Variants in ELK4 observed in about 807,000 individuals in gnomAD.
ELK4 encodes the protein ETS domain-containing protein Elk-4.
Under a neutral mutation model 29.6 loss-of-function variants are expected in ELK4, and 16 were observed. That is an observed-to-expected ratio of 0.54 (90% confidence interval 0.37 to 0.82). The LOEUF is 0.82. Ranked by LOEUF, ELK4 falls within the 40% of genes least tolerant of loss-of-function variation. ELK4 has a pLI of 0.00. For synonymous variants in ELK4, 213 were observed against 191.1 expected (o/e 1.11, Z -0.95); for missense variants, 465 against 507.1 (o/e 0.92, Z 0.80).
intron 4 of ELK4, among the ~76,000 whole-genome samples, chr1:205,617,897 G>A (rs189741097): frequency 5.9e-5 from 9 of 151,696 alleles, no homozygotes; most frequent in Non-Finnish European, 1.5e-5. Flanking sequence ...GCAAAACTCC[G>A]CCTCAAAAAA....
At position 205,612,111 on chromosome 1, in the gene ELK4, A is replaced by T. The variant is rs1172827543; in HGVS notation, c.*4435T>A. 1 of 196,760 alleles carries T rather than the reference A, an allele frequency of 5.1e-6. No homozygotes were observed. The highest frequency in any genetic ancestry group is 1.1e-5 in the Non-Finnish European group (1 of 94,918). 12.2% of individuals were successfully genotyped at this position (196,760 alleles called of 1,614,324 possible). A position where few individuals can be genotyped will look rare whatever the true frequency, so the allele number is the denominator to read the frequency against. Reference sequence around the variant, plus strand: ...AGATAAGAGACAACAGGCTGACGAAAGTAATAGGAATAAAGCTGTGGAAAA... The same window carrying T: ...AGATAAGAGACAACAGGCTGACGAATGTAATAGGAATAAAGCTGTGGAAAA... On this transcript the variant is annotated 3_prime_UTR_variant, in exon 5 of 5. Transcript: ENST00000357992.
chr1:205,617,984 TGAGAGA>T (rs898266780), intron 4 of ELK4, among the ~76,000 whole-genome samples: 1 of 131,322 alleles, frequency 7.6e-6, no homozygotes, highest in Non-Finnish European at 1.6e-5. Flanking sequence ...TGTGTGTGTG[TGAGAGA>T]GAGAGAGAGC....
chr1:205,612,850 A>G lies in ELK4; in HGVS notation c.*3696T>C, dbSNP rs1553242473. ...TGACTTTTAAAATCTGTAATATAGT[A>G]TGTAAATCTTCAAGGAATTTTCCAG... On this transcript the variant is annotated 3_prime_UTR_variant, in exon 5 of 5. Coordinates refer to ENST00000357992, the MANE Select transcript of ELK4 (RefSeq NM_001973.4). 17 of 203,892 alleles carry G rather than the reference A, an allele frequency of 8.3e-5. No individual in the cohort carries two copies. The East Asian group carries it at 1.2e-3, about 15-fold the overall frequency. The allele number at this position is 203,892 out of a possible 1,614,324, so 12.6% of individuals were successfully genotyped here.
rs1431809186 is a variant in ELK4 at position 205,620,254 on chromosome 1, A to C, written c.792T>G (p.Pro264=). 3 of 1,614,164 alleles carry C rather than the reference A, an allele frequency of 1.9e-6. No individual in the cohort carries two copies. The highest frequency in any genetic ancestry group is 2.2e-5 in the South Asian group (2 of 91,084). ...TCAGTGGTGGTGAAGGTGTTCTGGG[A>C]GGTTCCTGCAAAGGGGGTATGGACG... The part of the protein sequence containing the change: ...PISSIPPLQE[P]PRTPSPPLSS... Residue 264 remains proline, a synonymous_variant, in exon 3 of 5, where the codon CCT becomes CCG. Coordinates refer to ENST00000357992, the MANE Select transcript of ELK4 (RefSeq NM_001973.4).
chr1:205,623,609 C>T, intron 2 of ELK4, 67 bp downstream of exon 2: 1 of 1,577,302 alleles, frequency 6.3e-7, no homozygotes, highest in Non-Finnish European at 8.7e-7. Context: ...GCCACTGTGC[C>T]CAGCCAAGAA....
intron 2 of ELK4, among the ~76,000 whole-genome samples, chr1:205,621,373 G>T (rs1670347249): frequency 6.6e-6 from 1 of 152,012 alleles, no homozygotes; most frequent in East Asian, 1.9e-4. Flanking sequence ...ATTAACAACT[G>T]AACTAATATG....
In ELK4 at chr1:205,611,162, T is replaced by C. The variant is rs1670145581; in HGVS notation, c.*5384A>G. On this transcript the variant is annotated 3_prime_UTR_variant, in exon 5 of 5. Coordinates refer to ENST00000357992, the MANE Select transcript of ELK4 (RefSeq NM_001973.4). The stretch of plus-strand genomic sequence containing the variant: ...GATGGCAGCACCTTAGAAATTGCTA[T>C]TTTCTGGCAGGCTATCAATCTATCA... 2 of 213,748 alleles carry C rather than the reference T, an allele frequency of 9.4e-6. No homozygotes were observed. The highest frequency in any genetic ancestry group is 3.7e-4 in the South Asian group (2 of 5,366). 13.2% of individuals were successfully genotyped at this position (213,748 alleles called of 1,614,324 possible). A position where few individuals can be genotyped will look rare whatever the true frequency, so the allele number is the denominator to read the frequency against.
chr1:205,631,645 G>A lies in ELK4; in HGVS notation c.-23C>T, dbSNP rs1281475270. Reference sequence around the variant, plus strand: ...CTGACCGCTCACCGACGCCGCGCGCGGGGCTCCCCCTCGGTCTCCGCCTCG... The same window carrying A: ...CTGACCGCTCACCGACGCCGCGCGCAGGGCTCCCCCTCGGTCTCCGCCTCG... On this transcript the variant is annotated 5_prime_UTR_variant, in exon 1 of 5. Coordinates refer to ENST00000357992, the MANE Select transcript of ELK4 (RefSeq NM_001973.4). 6.1e-6 allele frequency: 2 copies of A among 328,030 alleles called. No individual in the cohort carries two copies. Among genetic ancestry groups the A allele is most frequent in the Admixed American group, 3.3e-5 (1 of 30,664 alleles). The allele number at this position is 328,030 out of a possible 1,614,324, so 20.3% of individuals were successfully genotyped here. A position where few individuals can be genotyped will look rare whatever the true frequency, so the allele number is the denominator to read the frequency against.
At position 205,619,048 on chromosome 1, in the gene ELK4, G is replaced by A; in HGVS notation, c.1106C>T (p.Pro369Leu). The A allele has an allele frequency of 6.2e-7, 1 of 1,604,040 alleles. No individual in the cohort carries two copies. Among genetic ancestry groups the A allele is most frequent in the South Asian group, 1.1e-5 (1 of 88,924 alleles). ...CCAGAAGTGGATACTGGAGAGCAAGGGGCTTGGAGTCAGTATGATGGGTGT... is the reference window on the plus strand; with the variant it reads ...CCAGAAGTGGATACTGGAGAGCAAGAGGCTTGGAGTCAGTATGATGGGTGT... Reference protein sequence around the residue: ...SQTPIILTPSPLLSSIHFWST... With the variant: ...SQTPIILTPSLLLSSIHFWST... The change falls in exon 4 of 5, where the codon CCC becomes CTC. Residue 369 changes from proline to leucine, a missense_variant. Coordinates refer to ENST00000357992, the MANE Select transcript of ELK4 (RefSeq NM_001973.4).
intron 4 of ELK4, among the ~76,000 whole-genome samples, chr1:205,617,542 T>C (rs1012675648): frequency 2.6e-5 from 4 of 152,000 alleles, no homozygotes; most frequent in African/African-American, 9.7e-5. Flanking sequence ...AAATTATCAA[T>C]TCTGACTGAG....
At chr1:205,630,635 C>A (rs533507045) in intron 1 of ELK4, among the ~76,000 whole-genome samples, 1 of 152,234 alleles carries the variant, frequency 6.6e-6, no homozygotes, top group Non-Finnish European at 1.5e-5. Flanking sequence ...TAGGATCCTG[C>A]ACAGTTCTTA....
chr1:205,611,223 C>T lies in ELK4; in HGVS notation c.*5323G>A, dbSNP rs138606042. The stretch of plus-strand genomic sequence containing the variant: ...CAGAGAAGTGACTTGAAGAAACTGA[C>T]AGTTTCAAATGAAACAATTATACTA... On this transcript the variant is annotated 3_prime_UTR_variant, in exon 5 of 5. Coordinates refer to ENST00000357992, the MANE Select transcript of ELK4 (RefSeq NM_001973.4). 26 of 211,094 alleles carry T rather than the reference C, an allele frequency of 1.2e-4. 1 individual carries two copies. Among genetic ancestry groups the T allele is most frequent in the African/African-American group, 5.0e-4 (22 of 44,292 alleles). The allele number at this position is 211,094 out of a possible 1,614,324, so 13.1% of individuals were successfully genotyped here. A position where few individuals can be genotyped will look rare whatever the true frequency, so the allele number is the denominator to read the frequency against.
At chr1:205,631,504 C>G (rs553914376) in intron 1 of ELK4, 128 bp downstream of exon 1, 12 of 145,416 alleles carry the variant, frequency 8.3e-5, no homozygotes, top group African/African-American at 1.8e-4. Flanking sequence ...GGGGAGCGCG[C>G]GCGCCCGGCC....
rs1670604091 is a variant in ELK4 at position 205,631,977 on chromosome 1, C to T, written c.-355G>A. The T allele has an allele frequency of 6.6e-6, 1 of 151,846 alleles. No homozygotes were observed. Among genetic ancestry groups the T allele is most frequent in the Non-Finnish European group, 1.5e-5 (1 of 67,924 alleles). 9.4% of individuals were successfully genotyped at this position (151,846 alleles called of 1,614,324 possible). ...TCCGCGGCCGCCGCCACTCTCAAAC[C>T]CCCCGACTGCTCCTGGGTCCCTCCC... On this transcript the variant is annotated 5_prime_UTR_variant, in exon 1 of 5. Coordinates refer to ENST00000357992, the MANE Select transcript of ELK4 (RefSeq NM_001973.4).
Position 205,608,921 on chromosome 1 carries a change from C to T in ELK4, c.*7625G>A, listed in dbSNP as rs1290460117. 5 of 192,240 alleles carry T rather than the reference C, an allele frequency of 2.6e-5. No homozygotes were observed. The highest frequency in any genetic ancestry group is 1.9e-4 in the South Asian group (1 of 5,206). 11.9% of individuals were successfully genotyped at this position (192,240 alleles called of 1,614,324 possible). On this transcript the variant is annotated 3_prime_UTR_variant, in exon 5 of 5. Transcript: ENST00000357992. ...TCTCCTGTGTTAACACTGATGGAGA[C>T]GCACTGCAATAGTCCCATGGCAGAC... is the stretch of plus-strand genomic sequence containing the variant.
chr1:205,608,575 A>G lies in ELK4; in HGVS notation c.*7971T>C, dbSNP rs1229054399. On this transcript the variant is annotated 3_prime_UTR_variant, in exon 5 of 5. Transcript: ENST00000357992. ...ATTGCTTTTTTAGGAAAAAGAAAAAAAAAAGGTGCTTTTAATACTTTGAAG... is the reference window on the plus strand; with the variant it reads ...ATTGCTTTTTTAGGAAAAAGAAAAAGAAAAGGTGCTTTTAATACTTTGAAG... The G allele has an allele frequency of 1.5e-5, 3 of 197,636 alleles. No homozygotes were observed. The highest frequency in any genetic ancestry group is 6.9e-5 in the African/African-American group (3 of 43,434). 12.2% of individuals were successfully genotyped at this position (197,636 alleles called of 1,614,324 possible).
At chr1:205,617,415 T>C (rs747084960) in intron 4 of ELK4, among the ~76,000 whole-genome samples, 24 of 152,210 alleles carry the variant, frequency 1.6e-4, no homozygotes, top group Non-Finnish European at 3.1e-4. Context: ...AGTTATAACA[T>C]CTAAGTGTTT....
At position 205,617,384 on chromosome 1, in the gene ELK4, T is replaced by C. The variant is rs542194022; in HGVS notation, c.1198-740A>G. ...AGTCAACCATGAATAAGTAAATGAA[T>C]TGACTCCAAGAAAGTCTTTAAGTTA... On this transcript the variant is annotated intron_variant, in intron 4 of 4. Coordinates refer to ENST00000357992, the MANE Select transcript of ELK4 (RefSeq NM_001973.4). 6.6e-5 allele frequency among the ~76,000 whole-genome samples: 10 copies of C among 152,282 alleles called. No homozygotes were observed. The South Asian group carries it at 1.0e-3, about 16-fold the overall frequency.
Position 205,620,847 on chromosome 1 carries a change from T to TA in ELK4, c.208-10dup, listed in dbSNP as rs533252798. The TA allele has an allele frequency of 0.023, 31,075 of 1,369,264 alleles. 110 individuals carry two copies. Among genetic ancestry groups the TA allele is most frequent in the South Asian group, 0.032 (2,339 of 72,252 alleles). The allele number at this position is 1,369,264 out of a possible 1,614,324, so 84.8% of individuals were successfully genotyped here. On this transcript the variant is annotated splice_polypyrimidine_tract_variant and intron_variant, in intron 2 of 4. Transcript: ENST00000357992. ...ACTTTTTTGATGATATTCTGTAGGT[T>TA]AAAAAAAAAAGCATTTTTATCCTTT...
Sources: gnomAD v4.1 joint callset for allele counts (sites outside exome capture counted in the v4.1 genomes callset) on GRCh38, gnomAD v4.1.1 for gene constraint, MANE v1.5 for transcripts, NCBI Gene and HGNC (gene_info 2026-07-23, HGNC 2026-07-21) for gene names.